The following TRIM49 variants were observed in gnomAD, a reference collection of about 807,000 sequenced individuals.
TRIM49 encodes the protein tripartite motif containing 49.
In TRIM49, 5 loss-of-function variants were observed where a neutral mutation model predicts 27.4. That is an observed-to-expected ratio of 0.18 (90% CI 0.10 to 0.38). The LOEUF (loss-of-function observed/expected upper bound fraction) is 0.38, where lower values mean the gene tolerates loss of function less well. Among genes scored for constraint, TRIM49 ranks in the 10% least tolerant of loss-of-function variants. The probability of loss-of-function intolerance (pLI) is 1.00; values close to 1 mark genes in which losing one functional copy is unlikely to be tolerated. For synonymous variants in TRIM49, 69 were observed against 166.0 expected (o/e 0.42, Z 4.49); for missense variants, 188 against 487.5 (o/e 0.39, Z 5.79).
chr11:89,772,949 T>C, the TRIM49 span, among the ~76,000 whole-genome samples: 8 of 135,076 alleles, frequency 5.9e-5, 1 homozygote, highest in Non-Finnish European at 9.1e-5. Flanking sequence ...AGACTTGAAG[T>C]CTAAAATGAT....
chr11:89,767,547 C>T, the TRIM49 span, among the ~76,000 whole-genome samples: 2 of 125,344 alleles, frequency 1.6e-5, no homozygotes, highest in African/African-American at 8.8e-5. Context: ...TCTGAATCTG[C>T]CTTCTGAAAA....
At chr11:89,805,786 C>T (rs1413918423) in intron 2 of TRIM49, among the ~76,000 whole-genome samples, 3 of 148,282 alleles carry the variant, frequency 2.0e-5, no homozygotes, top group African/African-American at 7.6e-5. Flanking sequence ...GGCGTGATCT[C>T]GGCTCACTGT....
the TRIM49 span, among the ~76,000 whole-genome samples, chr11:89,792,610 A>T: frequency 3.3e-5 from 5 of 152,150 alleles, no homozygotes; most frequent in South Asian, 2.1e-4. Flanking sequence ...CCGCTCAACT[A>T]CATGGAAACT....
the TRIM49 span, among the ~76,000 whole-genome samples, chr11:89,775,859 T>C: frequency 1.9e-4 from 29 of 150,210 alleles, no homozygotes; most frequent in African/African-American, 7.3e-4. Flanking sequence ...AAAGCTACTT[T>C]ATTTATAATT....
the TRIM49 span, chr11:89,777,313 G>A: frequency 6.5e-7 from 1 of 1,544,628 alleles, no homozygotes; most frequent in Non-Finnish European, 8.7e-7. Flanking sequence ...ATTGCTCTGT[G>A]GGCCCTGCTC....
chr11:89,796,258 CAG>C (rs1949688168), downstream of TRIM49, among the ~76,000 whole-genome samples: 1 of 151,510 alleles, frequency 6.6e-6, no homozygotes, highest in African/African-American at 2.4e-5. Flanking sequence ...TATTATGAGA[CAG>C]ACTGTCATTC....
the TRIM49 span, among the ~76,000 whole-genome samples, chr11:89,773,678 C>T: frequency 7.3e-6 from 1 of 136,278 alleles, no homozygotes; most frequent in African/African-American, 3.3e-5. Flanking sequence ...GTGGCTCACG[C>T]TTGTAATCCC....
chr11:89,800,275 T>G, intron 6 of TRIM49, among the ~76,000 whole-genome samples: 1 of 151,616 alleles, frequency 6.6e-6, no homozygotes, highest in African/African-American at 2.4e-5. Context: ...ACAGTTTTTT[T>G]CAATCTATTT....
the TRIM49 span, chr11:89,768,911 G>A: frequency 2.1e-6 from 1 of 481,392 alleles, no homozygotes; most frequent in Non-Finnish European, 4.1e-6. Context: ...GGGTGAGGTG[G>A]CTCACACCTG....
At chr11:89,791,859 C>A in the TRIM49 span, among the ~76,000 whole-genome samples, 38 of 151,362 alleles carry the variant, frequency 2.5e-4, no homozygotes, top group African/African-American at 9.0e-4. Context: ...AACCAGCTAA[C>A]ATCATAATGA....
At position 89,804,289 on chromosome 11, in the gene TRIM49, G is replaced by C; in HGVS notation, c.181C>G (p.Gln61Glu). The C allele has an allele frequency of 3.1e-6, 5 of 1,612,182 alleles. No homozygotes were observed. The highest frequency in any genetic ancestry group is 3.4e-6 in the Non-Finnish European group (4 of 1,179,174). ...TGAATGTTGGTTTTGAGGTTTATCTGCTCGGTTGACTTTGTGCATTCAGAG... is the reference window on the plus strand; with the variant it reads ...TGAATGTTGGTTTTGAGGTTTATCTCCTCGGTTGACTTTGTGCATTCAGAG... ...QCSECTKSTE[Q>E]INLKTNIHLK... Residue 61 changes from glutamine (Q) to glutamate (E), a missense_variant, in exon 3 of 8, where the codon CAG becomes GAG. Physicochemically the swap from Gln to Glu is conservative, Grantham distance 29. Around this residue, in one of 6 missense-constraint regions of TRIM49, gnomAD observed 37 missense variants for 52.4 expected, o/e 0.71. Transcript: ENST00000329758.
the TRIM49 span, chr11:89,787,231 C>T: frequency 4.6e-6 from 1 of 217,382 alleles, no homozygotes; most frequent in Non-Finnish European, 9.1e-6. Flanking sequence ...GCCCAGAGGA[C>T]CGGGGCGCCC....
intron 3 of TRIM49, 41 bp downstream of exon 3, chr11:89,804,018 T>A (rs557580461): frequency 6.2e-7 from 1 of 1,611,230 alleles, no homozygotes; most frequent in African/African-American, 1.3e-5. Flanking sequence ...AGGAATTTTA[T>A]GCTTCCTTTA....
At chr11:89,803,008 A>G (rs1739190006) in intron 4 of TRIM49, among the ~76,000 whole-genome samples, 1 of 150,570 alleles carries the variant, frequency 6.6e-6, no homozygotes. Flanking sequence ...CTTTTCAACA[A>G]ACTAATCTTA....
the TRIM49 span, among the ~76,000 whole-genome samples, chr11:89,777,753 C>T: frequency 0.069 from 7,385 of 107,806 alleles, 233 homozygotes; most frequent in African/African-American, 0.18. Context: ...GTTTCTATCA[C>T]TTTTCACATC....
At chr11:89,793,306 A>T (rs1435045450), downstream of TRIM49, among the ~76,000 whole-genome samples, 12 of 152,218 alleles carry the variant, frequency 7.9e-5, no homozygotes, top group East Asian at 1.2e-3. Flanking sequence ...CTAGAGGTAC[A>T]AGGAGGAGCT....
At position 89,804,220 on chromosome 11, in the gene TRIM49, G is replaced by T. The variant is rs570663427; in HGVS notation, c.250C>A (p.Leu84Ile). The T allele has an allele frequency of 1.9e-6, 3 of 1,606,954 alleles. No homozygotes were observed. Among genetic ancestry groups the T allele is most frequent in the East Asian group, 4.5e-5 (2 of 44,734 alleles). ...ATTTGCTCCTCAGAGCTCAGGAATA[G>T]CCAGAGACTGACTTTTCTGGCAAGA... Reference protein sequence around the residue: ...ASLARKVSLWLFLSSEEQMCG... With the variant: ...ASLARKVSLWIFLSSEEQMCG... The change falls in exon 3 of 8, where the codon CTA (leucine) becomes ATA (isoleucine). Residue 84 changes from leucine (L) to isoleucine (I), a missense_variant. By Grantham distance (5) the Leu-to-Ile change is conservative. Around this residue, in one of 6 missense-constraint regions of TRIM49, gnomAD observed 37 missense variants for 52.4 expected, o/e 0.71. Coordinates refer to ENST00000329758, the MANE Select transcript of TRIM49 (RefSeq NM_020358.2).
chr11:89,793,266 G>C (rs1459027247), downstream of TRIM49, among the ~76,000 whole-genome samples: 1 of 151,998 alleles, frequency 6.6e-6, no homozygotes, highest in Non-Finnish European at 1.5e-5. Flanking sequence ...AATAAAGTCC[G>C]GGTCCGGATG....
chr11:89,793,004 T>C (rs1205764551), downstream of TRIM49, among the ~76,000 whole-genome samples: 2 of 152,026 alleles, frequency 1.3e-5, no homozygotes. Context: ...CTAGCAAGAC[T>C]AATAAAGAAG....
Sources: allele counts gnomAD v4.1 joint callset (sites outside exome capture counted in the v4.1 genomes callset), GRCh38; gene constraint gnomAD v4.1.1; regional missense constraint gnomAD v4.1.1; transcripts MANE v1.5; gene names NCBI Gene and HGNC (gene_info 2026-07-23, HGNC 2026-07-21).